MAP4K4: variants seen among roughly 807,000 people sequenced by gnomAD.
MAP4K4 encodes the protein HPK/GCK-like kinase HGK.
In MAP4K4, 38 loss-of-function variants were observed where a neutral mutation model predicts 189.6. The ratio of observed to expected loss-of-function variants is 0.20; its 90% CI spans 0.15 to 0.26. The LOEUF is 0.26. Ranked by LOEUF, MAP4K4 falls within the 10% of genes least tolerant of loss-of-function variation. The pLI, the probability that MAP4K4 is intolerant of heterozygous loss-of-function variation, is 1.00. For synonymous variants in MAP4K4, 610 were observed against 624.3 expected (o/e 0.98, Z 0.34); for missense variants, 1,054 against 1,726.9 (o/e 0.61, Z 6.91).
At chr2:101,705,726 C>T (rs993967780) in intron 2 of MAP4K4, among the ~76,000 whole-genome samples, 1 of 152,128 alleles carries the variant, frequency 6.6e-6, no homozygotes, top group East Asian at 1.9e-4. Flanking sequence ...GGTCAGCAGA[C>T]CACACTTTGA....
intron 12 of MAP4K4, among the ~76,000 whole-genome samples, chr2:101,854,541 T>G (rs2149756857): frequency 6.6e-6 from 1 of 152,306 alleles, no homozygotes; most frequent in Admixed American, 6.5e-5. Flanking sequence ...TGAGAGAGAC[T>G]GGACTACCAA....
intron 26 of MAP4K4, among the ~76,000 whole-genome samples, chr2:101,876,400 A>T (rs1266681281): frequency 2.6e-5 from 4 of 152,238 alleles, no homozygotes; most frequent in African/African-American, 9.6e-5. Flanking sequence ...TCAAATATCA[A>T]ATCACAATAT....
intron 2 of MAP4K4, among the ~76,000 whole-genome samples, chr2:101,781,893 TC>T (rs1307884047): frequency 6.6e-6 from 1 of 152,064 alleles, no homozygotes; most frequent in African/African-American, 2.4e-5. Flanking sequence ...TGCTGTCTGG[TC>T]CCCCCACCTG....
intron 2 of MAP4K4, among the ~76,000 whole-genome samples, chr2:101,767,351 C>T (rs990703601): frequency 6.6e-6 from 1 of 152,060 alleles, no homozygotes; most frequent in Non-Finnish European, 1.5e-5. Context: ...TATGATTTAA[C>T]CTGGCTTTTA....
chr2:101,744,764 C>G (rs1365360202), intron 2 of MAP4K4, among the ~76,000 whole-genome samples: 1 of 152,122 alleles, frequency 6.6e-6, no homozygotes, highest in Admixed American at 6.5e-5. Flanking sequence ...TCTGTTCATC[C>G]TAAGAACAAA....
At chr2:101,759,769 C>T (rs1170853901) in intron 2 of MAP4K4, among the ~76,000 whole-genome samples, 1 of 71,478 alleles carries the variant, frequency 1.4e-5, no homozygotes, top group African/African-American at 5.9e-5. Context: ...ACCTCCCCTT[C>T]CCCCATCCTC....
intron 2 of MAP4K4, among the ~76,000 whole-genome samples, chr2:101,783,704 T>C (rs115279899): frequency 3.1e-4 from 47 of 152,246 alleles, no homozygotes; most frequent in Non-Finnish European, 5.4e-4. Context: ...AGCACACCAC[T>C]AAAAAGTCAA....
Position 101,855,858 on chromosome 2 carries a change from T to C in MAP4K4, c.1234-119T>C, listed in dbSNP as rs928629149. The C allele has an allele frequency of 9.9e-5, 90 of 909,472 alleles. No individual in the cohort carries two copies. In the African/African-American group the frequency reaches 1.2e-3, roughly 12 times the overall value. The allele number at this position is 909,472 out of a possible 1,614,324, so 56.3% of individuals were successfully genotyped here. A position where few individuals can be genotyped will look rare whatever the true frequency, so the allele number is the denominator to read the frequency against. ...TGTGGAAATAATTGGCCAGTAGATA[T>C]GGGGCCCATGAACCTCACCTCATTA... On this transcript the variant is annotated intron_variant, in intron 12 of 32. Coordinates refer to ENST00000324219, the Ensembl canonical transcript of MAP4K4.
At chr2:101,852,194 C>T (rs2097307988) in intron 12 of MAP4K4, among the ~76,000 whole-genome samples, 1 of 151,096 alleles carries the variant, frequency 6.6e-6, no homozygotes. Context: ...AATTAAATCT[C>T]AAGACTTCGT....
intron 3 of MAP4K4, among the ~76,000 whole-genome samples, chr2:101,803,263 GTA>G (rs1491309523): frequency 1.4e-5 from 2 of 142,876 alleles, no homozygotes; most frequent in African/African-American, 2.6e-5. Flanking sequence ...GTGTGTGTGT[GTA>G]TGTATGTGTG....
intron 3 of MAP4K4, among the ~76,000 whole-genome samples, chr2:101,807,217 AT>A (rs1435545506): frequency 6.6e-6 from 1 of 151,468 alleles, no homozygotes. Flanking sequence ...CACCTGGCTA[AT>A]TTTTTATTTT....
At chr2:101,817,615 T>A (rs1350568941) in intron 3 of MAP4K4, among the ~76,000 whole-genome samples, 2 of 152,238 alleles carry the variant, frequency 1.3e-5, no homozygotes, top group Non-Finnish European at 2.9e-5. Context: ...TTGTAGAAGA[T>A]GGAGGGGATC....
intron 3 of MAP4K4, among the ~76,000 whole-genome samples, chr2:101,808,546 C>CG (rs923929632): frequency 7.1e-6 from 1 of 141,720 alleles, no homozygotes; most frequent in African/African-American, 2.9e-5. Flanking sequence ...CCACCCTCAC[C>CG]CCCCCCCACC....
rs774523844 is a variant in MAP4K4, at chr2:101,882,673, C to T, written c.3508C>T (p.His1170Tyr). ...CGTAGGGGATTTGGAAGGATGTGTA[C>T]ATTATAAAGTTGGTAAGTTCTAGAA... Residue 1170 changes from histidine to tyrosine, a missense_variant, in exon 28 of 33, where the codon CAT becomes TAT. His to Tyr is a moderately conservative substitution (Grantham distance 83, BLOSUM62 2). This residue lies in a region of MAP4K4 where 189 missense variants were observed against 405.7 expected (regional missense o/e 0.47). Coordinates refer to ENST00000324219, the Ensembl canonical transcript of MAP4K4. 1.3e-6 allele frequency: 2 copies of T among 1,591,490 alleles called. No homozygotes were observed. Among genetic ancestry groups the T allele is most frequent in the Non-Finnish European group, 1.7e-6 (2 of 1,172,574 alleles).
At chr2:101,786,601 A>G (rs1161556590) in intron 2 of MAP4K4, among the ~76,000 whole-genome samples, 1 of 152,234 alleles carries the variant, frequency 6.6e-6, no homozygotes, top group Non-Finnish European at 1.5e-5. Flanking sequence ...GAGGGGAAGT[A>G]ACTTAAGCTG....
intron 25 of MAP4K4, 32 bp downstream of exon 25, chr2:101,873,796 C>A: frequency 6.9e-7 from 1 of 1,448,014 alleles, no homozygotes; most frequent in Non-Finnish European, 9.6e-7. Context: ...AAGCAGCTGA[C>A]AAATGGGACT....
rs2035739997 is a variant in MAP4K4 at position 101,698,330 on chromosome 2, C to T, written c.58-143C>T. 5 of 830,232 alleles carry T rather than the reference C, an allele frequency of 6.0e-6. No individual in the cohort carries two copies. In the East Asian group the frequency reaches 1.0e-4, roughly 17 times the overall value. 51.4% of individuals were successfully genotyped at this position (830,232 alleles called of 1,614,324 possible). A position where few individuals can be genotyped will look rare whatever the true frequency, so the allele number is the denominator to read the frequency against. ...TACCGCCCCCACGCCCCGAGCCCGCCGCGCGACCCCCGGGCGCTGGGGGAC... is the reference window on the plus strand; with the variant it reads ...TACCGCCCCCACGCCCCGAGCCCGCTGCGCGACCCCCGGGCGCTGGGGGAC... On this transcript the variant is annotated intron_variant, in intron 1 of 32. Transcript: ENST00000324219.
chr2:101,799,354 A>G (rs866356377), intron 3 of MAP4K4, among the ~76,000 whole-genome samples: 4 of 152,166 alleles, frequency 2.6e-5, no homozygotes, highest in Admixed American at 2.0e-4. Context: ...ACATTAAAGT[A>G]TCACTTTTGC....
chr2:101,737,450 TATATA>T (rs2060765601), intron 2 of MAP4K4, among the ~76,000 whole-genome samples: 12 of 37,874 alleles, frequency 3.2e-4, no homozygotes, highest in African/African-American at 1.8e-3. Context: ...TATATATATA[TATATA>T]TATATATTTT....
Sources: allele counts gnomAD v4.1 joint callset (sites outside exome capture counted in the v4.1 genomes callset), GRCh38; gene constraint gnomAD v4.1.1; regional missense constraint gnomAD v4.1.1; transcripts MANE v1.5; gene names NCBI Gene and HGNC (gene_info 2026-07-23, HGNC 2026-07-21).